SV2C: variants seen among roughly 807,000 people sequenced by gnomAD.
The protein encoded by SV2C is synaptic vesicle glycoprotein 2C, also known as solute carrier family 22 member B3.
A neutral mutation model predicts 79.7 loss-of-function variants in SV2C; 49 were observed. The observed-to-expected ratio is 0.61, with a 90% CI of 0.49 to 0.78. The LOEUF (loss-of-function observed/expected upper bound fraction) is 0.78. Among genes scored for constraint, SV2C ranks in the 30% least tolerant of loss-of-function variants. SV2C has a pLI of 0.00. For synonymous variants in SV2C, 334 were observed against 333.2 expected (o/e 1.00, Z -0.03); for missense variants, 833 against 912.9 (o/e 0.91, Z 1.13).
intron 2 of SV2C, among the ~76,000 whole-genome samples, chr5:76,168,635 C>T (rs560724408): frequency 1.8e-4 from 27 of 152,296 alleles, no homozygotes; most frequent in African/African-American, 6.5e-4. Flanking sequence ...TTTGCTTTCA[C>T]GATAGCCTGG....
chr5:76,312,997 G>A (rs1486997475), intron 12 of SV2C, among the ~76,000 whole-genome samples: 2 of 152,280 alleles, frequency 1.3e-5, no homozygotes, highest in African/African-American at 4.8e-5. Context: ...CTTCAGTTCC[G>A]AAGGTCTGTC....
intron 4 of SV2C, among the ~76,000 whole-genome samples, chr5:76,233,802 G>T (rs944011229): frequency 6.7e-6 from 1 of 148,484 alleles, no homozygotes; most frequent in Non-Finnish European, 1.5e-5. Flanking sequence ...ACTTGATCAT[G>T]GTGGATAAGC....
the SV2C span, among the ~76,000 whole-genome samples, chr5:76,069,637 G>A: frequency 7.9e-5 from 12 of 152,300 alleles, no homozygotes; most frequent in Non-Finnish European, 1.6e-4. Flanking sequence ...TGCAGAGGCA[G>A]CCGAATCATT....
chr5:76,101,950 G>C (rs974540955), intron 1 of SV2C, among the ~76,000 whole-genome samples: 20 of 152,224 alleles, frequency 1.3e-4, no homozygotes, highest in African/African-American at 4.8e-4. Context: ...TGTGCTGCTG[G>C]GCACTTGATA....
intron 10 of SV2C, 73 bp from the exon 11 acceptor site, chr5:76,300,656 C>G: frequency 6.7e-7 from 1 of 1,492,928 alleles, no homozygotes; most frequent in Non-Finnish European, 9.3e-7. Context: ...TCTCCGAATC[C>G]TCCATAGGCT....
At chr5:76,004,522 A>G in the SV2C span, among the ~76,000 whole-genome samples, 1 of 152,158 alleles carries the variant, frequency 6.6e-6, no homozygotes, top group African/African-American at 2.4e-5. Flanking sequence ...ATCAGTATTA[A>G]TGTTTATATT....
chr5:75,954,752 C>G, the SV2C span, among the ~76,000 whole-genome samples: 111 of 147,594 alleles, frequency 7.5e-4, no homozygotes, highest in Non-Finnish European at 1.1e-3. Context: ...CACAAATAAC[C>G]GACAAACAGA....
intron 4 of SV2C, among the ~76,000 whole-genome samples, chr5:76,265,444 T>TC (rs1335027022): frequency 1.3e-5 from 2 of 152,164 alleles, no homozygotes; most frequent in African/African-American, 4.8e-5. Flanking sequence ...CTGAAGCCTT[T>TC]CAAGGGTAGT....
At chr5:76,181,090 C>G (rs1398556149) in intron 2 of SV2C, among the ~76,000 whole-genome samples, 1 of 80,546 alleles carries the variant, frequency 1.2e-5, no homozygotes, top group African/African-American at 7.3e-5. Context: ...TCCATTGCCT[C>G]TCAGCCATCC....
At chr5:75,894,371 C>T in the SV2C span, among the ~76,000 whole-genome samples, 4 of 152,030 alleles carry the variant, frequency 2.6e-5, no homozygotes, top group African/African-American at 9.7e-5. Flanking sequence ...TTTATAAAAT[C>T]ATGGACTTTG....
chr5:76,261,833 G>T (rs977405498), intron 4 of SV2C, among the ~76,000 whole-genome samples: 1 of 152,228 alleles, frequency 6.6e-6, no homozygotes, highest in Admixed American at 6.5e-5. Flanking sequence ...TGTGCTGCTG[G>T]ATTTGGTTTG....
At chr5:76,306,223 A>T (rs56289240) in intron 12 of SV2C, among the ~76,000 whole-genome samples, 7 of 151,194 alleles carry the variant, frequency 4.6e-5, no homozygotes, top group African/African-American at 1.5e-4. Flanking sequence ...AATTTATTTT[A>T]TTTTTTTTTA....
chr5:75,946,045 G>C, the SV2C span, among the ~76,000 whole-genome samples: 5 of 151,930 alleles, frequency 3.3e-5, no homozygotes, highest in African/African-American at 7.2e-5. Context: ...TTCAAAGCAA[G>C]GAGGAAAATG....
intron 1 of SV2C, among the ~76,000 whole-genome samples, chr5:76,127,344 G>A (rs982310041): frequency 6.6e-6 from 1 of 152,196 alleles, no homozygotes; most frequent in African/African-American, 2.4e-5. Context: ...AAGAAAAACT[G>A]TGTTTTGCCA....
At chr5:76,050,860 A>G in the SV2C span, among the ~76,000 whole-genome samples, 1 of 152,220 alleles carries the variant, frequency 6.6e-6, no homozygotes, top group African/African-American at 2.4e-5. Context: ...TGTTTATCAA[A>G]TATAGATAAG....
chr5:76,010,724 T>C, the SV2C span, among the ~76,000 whole-genome samples: 1 of 152,188 alleles, frequency 6.6e-6, no homozygotes, highest in Non-Finnish European at 1.5e-5. Context: ...CACAATTTTT[T>C]AGGTGTTCTG....
downstream of SV2C, among the ~76,000 whole-genome samples, chr5:76,338,297 C>T (rs907380796): frequency 1.3e-5 from 2 of 152,236 alleles, no homozygotes; most frequent in Non-Finnish European, 2.9e-5. Context: ...TCCTCTACTC[C>T]AGAGCTCTCA....
the SV2C span, among the ~76,000 whole-genome samples, chr5:76,033,332 T>C: frequency 0.025 from 3,813 of 152,266 alleles, 175 homozygotes; most frequent in African/African-American, 0.088. Context: ...CATGCCTATG[T>C]CCTGAATGGT....
intron 12 of SV2C, among the ~76,000 whole-genome samples, chr5:76,309,682 G>C (rs181864090): frequency 6.7e-6 from 1 of 150,360 alleles, no homozygotes; most frequent in East Asian, 2.0e-4. Context: ...CACTCAACAT[G>C]TTCACAGATA....
Sources: gnomAD v4.1 joint callset for allele counts (sites outside exome capture counted in the v4.1 genomes callset) on GRCh38, gnomAD v4.1.1 for gene constraint, MANE v1.5 for transcripts, NCBI Gene and HGNC (gene_info 2026-07-23, HGNC 2026-07-21) for gene names.